The following GALNS variants were observed in gnomAD, a reference collection of about 807,000 sequenced individuals.
GALNS encodes N-acetylgalactosamine-6-sulfatase.
A neutral mutation model predicts 65.9 loss-of-function variants in GALNS; 65 were observed. That is an observed-to-expected ratio of 0.99 (90% CI 0.81 to 1.21). GALNS has a LOEUF of 1.21. Ranked by LOEUF, GALNS falls within the 50% of genes most tolerant of loss-of-function variation. The pLI is 0.00. For missense variants in GALNS, 776 were observed against 700.7 expected (o/e 1.11, Z -1.21); for synonymous variants, 346 against 288.9 (o/e 1.20, Z -2.00).
Position 88,853,353 on chromosome 16 carries a change from C to CA in GALNS, c.120+3404dup, listed in dbSNP as rs1180053386. Among the ~76,000 whole-genome samples, 4 of 151,252 alleles carry CA rather than the reference C, an allele frequency of 2.6e-5. No homozygotes were observed. The East Asian group carries it at 5.9e-4, about 22-fold the overall frequency. ...CATGGATCAGTATCCTTCAGAATTT[C>CA]AGAGTTTTAAGAAACGCAGTTTCCA... is the stretch of plus-strand genomic sequence containing the variant. On this transcript the variant is annotated intron_variant, in intron 1 of 13. Transcript: ENST00000268695.
rs1344555845 is a variant in GALNS at position 88,826,840 on chromosome 16, T to C, written c.1003-2A>G. ...GATGCTGCCCAGCTGGTGGCTCACC[T>C]GAAACACATGGCAGCAACACGGTCA... On this transcript the variant is annotated splice_acceptor_variant, in intron 9 of 13. Transcript: ENST00000268695. LOFTEE classifies it high-confidence loss of function. The C allele has an allele frequency of 6.4e-7, 1 of 1,573,918 alleles. No homozygotes were observed. Among genetic ancestry groups the C allele is most frequent in the Non-Finnish European group, 8.6e-7 (1 of 1,160,424 alleles).
intron 9 of GALNS, among the ~76,000 whole-genome samples, chr16:88,831,168 C>T (rs1162051969): frequency 6.6e-6 from 1 of 152,156 alleles, no homozygotes; most frequent in Non-Finnish European, 1.5e-5. Context: ...GCACAGCAAG[C>T]CCTACACACC....
At chr16:88,847,499 T>G (rs934592391) in intron 1 of GALNS, among the ~76,000 whole-genome samples, 1 of 152,104 alleles carries the variant, frequency 6.6e-6, no homozygotes, top group African/African-American at 2.4e-5. Context: ...GCAGGGACCT[T>G]GAGGAGGGCT....
At chr16:88,855,062 A>T (rs1967724908) in intron 1 of GALNS, 11 of 397,604 alleles carry the variant, frequency 2.8e-5, no homozygotes, top group South Asian at 2.1e-4. Context: ...ATGGAAACGT[A>T]GGGTGAGTCC....
rs557217245 is a variant in GALNS at position 88,822,617 on chromosome 16, G to A, written c.1336C>T (p.Arg446Trp). The part of the protein sequence containing the change: ...TKLPLIFHLG[R>W]DPGERFPLSF... Reference sequence around the variant, plus strand: ...AGGGGGAACCTCTCCCCTGGGTCCCGTCCCAGGTGGAAGATCAGGGGCAGC... The same window carrying A: ...AGGGGGAACCTCTCCCCTGGGTCCCATCCCAGGTGGAAGATCAGGGGCAGC... The change falls in exon 12 of 14, where the codon CGG becomes TGG. Residue 446 changes from arginine to tryptophan, a missense_variant. By Grantham distance (101) the Arg-to-Trp change is moderately radical. Coordinates refer to ENST00000268695, the MANE Select transcript of GALNS (RefSeq NM_000512.5). 1.3e-4 allele frequency: 205 copies of A among 1,612,826 alleles called. 1 individual carries two copies. In the South Asian group the frequency reaches 1.9e-3, roughly 15 times the overall value.
chr16:88,826,722 C>T lies in GALNS; in HGVS notation c.1119G>A (p.Leu373=). The change falls in exon 10 of 14, where the codon CTG becomes CTA. Residue 373 remains leucine (L), a synonymous_variant. Transcript: ENST00000268695. ...CCAACCTGTCCATCAGCCGGCCCTG[C>T]AGGAGGGTGGGGAGGAGGTTGAGGC... ...IDGLNLLPTL[L]QGRLMDRPIF... The T allele has an allele frequency of 6.2e-7, 1 of 1,612,582 alleles. No individual in the cohort carries two copies. The highest frequency in any genetic ancestry group is 2.2e-5 in the East Asian group (1 of 44,872).
chr16:88,827,946 C>T (rs1281226482), intron 9 of GALNS, among the ~76,000 whole-genome samples: 2 of 152,234 alleles, frequency 1.3e-5, no homozygotes, highest in Admixed American at 6.5e-5. Flanking sequence ...CTGCAGCCAG[C>T]TCCTCGCTAG....
At chr16:88,843,492 G>C (rs1783914106) in intron 1 of GALNS, 1 of 330,744 alleles carries the variant, frequency 3.0e-6, no homozygotes, top group Admixed American at 3.9e-5. Context: ...GCCACATTTG[G>C]AAGTAGGGTC....
chr16:88,833,032 C>A (rs374459194), intron 8 of GALNS, among the ~76,000 whole-genome samples: 18 of 141,850 alleles, frequency 1.3e-4, no homozygotes, highest in Admixed American at 7.4e-4. Flanking sequence ...GAGCTGAGAT[C>A]GCGCCACTGC....
chr16:88,829,282 A>AG (rs776063782), intron 9 of GALNS, among the ~76,000 whole-genome samples: 5 of 152,134 alleles, frequency 3.3e-5, no homozygotes, highest in Admixed American at 6.5e-5. Flanking sequence ...CCCTACCCTC[A>AG]GGGGGATGGC....
In GALNS at chr16:88,836,221, G is replaced by T; in HGVS notation, c.613C>A (p.Leu205Ile). The change falls in exon 6 of 14, where the codon CTC becomes ATC. Residue 205 changes from leucine (L) to isoleucine (I), a missense_variant. Physicochemically the swap from Leu to Ile is conservative, Grantham distance 5. Transcript: ENST00000268695. ...PINLKTGEAN[L>I]TQIYLQEALD... ...ATCACCTGCAGGTAGATCTGGGTGA[G>T]GTTGGCTTCCCCCGTCTTCAGATTA... 2 of 1,613,546 alleles carry T rather than the reference G, an allele frequency of 1.2e-6. No homozygotes were observed. Among genetic ancestry groups the T allele is most frequent in the African/African-American group, 2.7e-5 (2 of 75,056 alleles).
chr16:88,832,134 G>T, intron 8 of GALNS, 33 bp from the exon 9 acceptor site: 1 of 1,578,920 alleles, frequency 6.3e-7, no homozygotes, highest in Non-Finnish European at 8.7e-7. Context: ...AGGCCACTGG[G>T]ACCAGATGTC....
chr16:88,826,295 G>A (rs1255851140), intron 10 of GALNS, among the ~76,000 whole-genome samples: 4 of 147,644 alleles, frequency 2.7e-5, no homozygotes, highest in Non-Finnish European at 3.0e-5. Flanking sequence ...GGGGTGGGGC[G>A]GACAGGGGCG....
At chr16:88,852,208 C>T (rs1313311945) in intron 1 of GALNS, among the ~76,000 whole-genome samples, 1 of 152,228 alleles carries the variant, frequency 6.6e-6, no homozygotes, top group Admixed American at 6.5e-5. Flanking sequence ...AGTTGCTGTT[C>T]TGCAGCCTCC....
At chr16:88,833,938 C>A (rs1013490593) in intron 8 of GALNS, among the ~76,000 whole-genome samples, 1 of 152,260 alleles carries the variant, frequency 6.6e-6, no homozygotes, top group Non-Finnish European at 1.5e-5. Flanking sequence ...CTTGCCCCTG[C>A]TGGCTGGTGG....
At chr16:88,816,614 T>A in intron 13 of GALNS, 1 of 982,618 alleles carries the variant, frequency 1.0e-6, no homozygotes, top group Non-Finnish European at 1.2e-6. Context: ...CAAGGCCATC[T>A]GCCCTCCATG....
Position 88,814,413 on chromosome 16 carries a change from A to T in GALNS, c.*26T>A, listed in dbSNP as rs1271728811. 6.4e-7 allele frequency: 1 copy of T among 1,552,076 alleles called. No homozygotes were observed. The highest frequency in any genetic ancestry group is 1.4e-5 in the African/African-American group (1 of 73,298). On this transcript the variant is annotated 3_prime_UTR_variant, in exon 14 of 14. Transcript: ENST00000268695. ...ACTTGCAGGGCCAACCGGAGATTCT[A>T]GGCCTGGCCTGAGTCTGCGCAGGTG... is the stretch of plus-strand genomic sequence containing the variant.
At chr16:88,824,533 C>A (rs534713403) in intron 11 of GALNS, among the ~76,000 whole-genome samples, 1 of 152,118 alleles carries the variant, frequency 6.6e-6, no homozygotes, top group Non-Finnish European at 1.5e-5. Context: ...AGCTATGCCG[C>A]GGGGCTACTG....
rs532198567 is a variant in GALNS, at chr16:88,849,663, G to C, written c.121-6834C>G. On this transcript the variant is annotated intron_variant, in intron 1 of 13. Coordinates refer to ENST00000268695, the MANE Select transcript of GALNS (RefSeq NM_000512.5). ...GTCTTGAGTGAACTGAGCTCAAGCA[G>C]TCCACCCGCCTCCACCTCCCAAAGT... 8.5e-5 allele frequency among the ~76,000 whole-genome samples: 13 copies of C among 152,174 alleles called. 1 individual carries two copies. Among genetic ancestry groups the C allele is most frequent in the African/African-American group, 3.1e-4 (13 of 41,520 alleles).
Sources: allele counts gnomAD v4.1 joint callset (sites outside exome capture counted in the v4.1 genomes callset), GRCh38; gene constraint gnomAD v4.1.1; transcripts MANE v1.5; gene names NCBI Gene and HGNC (gene_info 2026-07-23, HGNC 2026-07-21).